Variants in PCCA observed in about 807,000 individuals in gnomAD.
PCCA encodes the protein propionyl-CoA carboxylase alpha chain, mitochondrial.
Under a neutral mutation model 101.3 loss-of-function variants are expected in PCCA, and 74 were observed. The observed-to-expected ratio is 0.73, with a 90% CI of 0.61 to 0.89. PCCA has a LOEUF of 0.89. PCCA is among the 40% of genes least tolerant of loss of function. The pLI, the probability that PCCA is intolerant of heterozygous loss-of-function variation, is 0.00. For synonymous variants in PCCA, 294 were observed against 313.6 expected, an observed-to-expected ratio of 0.94 and a Z score of 0.66; for missense variants, 891 against 907.0, an observed-to-expected ratio of 0.98 and a Z score of 0.23.
rs554545534 is a variant in PCCA, at chr13:100,513,133, C to T, written c.1900-2294C>T. On this transcript the variant is annotated intron_variant, in intron 21 of 23. Transcript: ENST00000376285. ...GCGCCCCGTGCAGCACAGCACAGGCCAGCTGAGAGGCTGTTTTAAGAAGGC... is the reference window on the plus strand; with the variant it reads ...GCGCCCCGTGCAGCACAGCACAGGCTAGCTGAGAGGCTGTTTTAAGAAGGC... Among the ~76,000 whole-genome samples, 9 of 152,356 alleles carry T rather than the reference C, an allele frequency of 5.9e-5. No individual in the cohort carries two copies. In the South Asian group the frequency reaches 1.5e-3, roughly 25 times the overall value.
chr13:100,373,478 T>G (rs771976104), intron 19 of PCCA, among the ~76,000 whole-genome samples: 1 of 152,202 alleles, frequency 6.6e-6, no homozygotes, highest in African/African-American at 2.4e-5. Context: ...GACATTATGC[T>G]AGGTTATAAG....
At chr13:100,356,266 G>C (rs1049359468) in intron 18 of PCCA, among the ~76,000 whole-genome samples, 1 of 151,966 alleles carries the variant, frequency 6.6e-6, no homozygotes, top group Non-Finnish European at 1.5e-5. Context: ...TAGATAAATT[G>C]GACTTCAGAA....
At chr13:100,462,739 T>C (rs1292898500) in intron 21 of PCCA, among the ~76,000 whole-genome samples, 2 of 152,060 alleles carry the variant, frequency 1.3e-5, no homozygotes, top group East Asian at 1.9e-4. Context: ...GTCATGAGAG[T>C]CAGTCAGTCA....
chr13:100,118,521 G>A (rs1367469560), intron 4 of PCCA, among the ~76,000 whole-genome samples: 1 of 151,998 alleles, frequency 6.6e-6, no homozygotes, highest in Non-Finnish European at 1.5e-5. Flanking sequence ...TTAAATATTT[G>A]ACAAGACTAC....
chr13:100,524,743 A>T (rs1265309100), intron 22 of PCCA, among the ~76,000 whole-genome samples: 2 of 152,062 alleles, frequency 1.3e-5, no homozygotes, highest in Non-Finnish European at 2.9e-5. Context: ...GTGGTGGTGC[A>T]CACCTGTATT....
At chr13:100,116,804 T>C (rs1253947653) in intron 4 of PCCA, among the ~76,000 whole-genome samples, 1 of 152,128 alleles carries the variant, frequency 6.6e-6, no homozygotes, top group African/African-American at 2.4e-5. Flanking sequence ...ATAGCAAATA[T>C]ATTTTAGATT....
At chr13:100,216,830 C>T (rs551157564) in intron 7 of PCCA, among the ~76,000 whole-genome samples, 1 of 152,234 alleles carries the variant, frequency 6.6e-6, no homozygotes, top group Admixed American at 6.5e-5. Context: ...GAATTTCATC[C>T]GGGTATGGTG....
chr13:100,119,529 C>A (rs1462145468), intron 4 of PCCA, among the ~76,000 whole-genome samples: 1 of 152,092 alleles, frequency 6.6e-6, no homozygotes, highest in Non-Finnish European at 1.5e-5. Context: ...ATGGGAAGAA[C>A]AAAATGAGAT....
At chr13:100,347,512 G>A (rs530961620) in intron 18 of PCCA, among the ~76,000 whole-genome samples, 2 of 152,274 alleles carry the variant, frequency 1.3e-5, no homozygotes, top group South Asian at 4.1e-4. Flanking sequence ...CACAGAGTAT[G>A]TTATATTGTG....
intron 8 of PCCA, among the ~76,000 whole-genome samples, chr13:100,257,386 T>TC (rs1444998334): frequency 6.6e-6 from 1 of 151,642 alleles, no homozygotes; most frequent in Non-Finnish European, 1.5e-5. Context: ...AGTACCCTTT[T>TC]TTCTTTTAAA....
chr13:100,215,920 T>A (rs1476015444), intron 7 of PCCA, among the ~76,000 whole-genome samples: 1 of 152,246 alleles, frequency 6.6e-6, no homozygotes, highest in Admixed American at 6.5e-5. Context: ...ATTGCAGGTG[T>A]GAGCCACTGT....
At chr13:100,357,840 A>G (rs1379378861) in intron 18 of PCCA, among the ~76,000 whole-genome samples, 1 of 152,206 alleles carries the variant, frequency 6.6e-6, no homozygotes, top group Non-Finnish European at 1.5e-5. Context: ...GAAATTAAGC[A>G]GGGATATCAT....
intron 21 of PCCA, among the ~76,000 whole-genome samples, chr13:100,456,740 T>C (rs1016301635): frequency 2.0e-5 from 3 of 152,164 alleles, no homozygotes; most frequent in Non-Finnish European, 2.9e-5. Context: ...TACTATTTCT[T>C]CTACCGCTAT....
At chr13:100,288,469 G>A (rs2064865743) in intron 12 of PCCA, among the ~76,000 whole-genome samples, 1 of 152,082 alleles carries the variant, frequency 6.6e-6, no homozygotes, top group Non-Finnish European at 1.5e-5. Context: ...GCTAATTTTT[G>A]TATTTTTTGT....
At chr13:100,437,596 C>T (rs991536635) in intron 20 of PCCA, among the ~76,000 whole-genome samples, 2 of 151,072 alleles carry the variant, frequency 1.3e-5, no homozygotes, top group African/African-American at 2.4e-5. Flanking sequence ...TTGGTAATGA[C>T]GTTTATTAAA....
chr13:100,137,069 G>A (rs987675914), intron 4 of PCCA, among the ~76,000 whole-genome samples: 2 of 151,428 alleles, frequency 1.3e-5, no homozygotes, highest in Non-Finnish European at 2.9e-5. Flanking sequence ...TATATATTGT[G>A]TTTTCATTTT....
rs147631413 is a variant in PCCA at position 100,264,417 on chromosome 13, T to C, written c.819+1586T>C. ...CACCACTTCCTAGTCAGTCCCTACC[T>C]GTGGCCGCCAAAAGTAACTGCTGTT... On this transcript the variant is annotated intron_variant, in intron 10 of 23. Coordinates refer to ENST00000376285, the MANE Select transcript of PCCA (RefSeq NM_000282.4). Among the ~76,000 whole-genome samples the C allele has an allele frequency of 1.9e-3, 282 of 152,274 alleles. 1 individual carries two copies. Among genetic ancestry groups the C allele is most frequent in the African/African-American group, 6.5e-3 (270 of 41,562 alleles).
intron 21 of PCCA, among the ~76,000 whole-genome samples, chr13:100,503,749 TA>T (rs1416328002): frequency 1.3e-5 from 2 of 151,442 alleles, no homozygotes; most frequent in East Asian, 2.0e-4. Context: ...ACAAAAAATT[TA>T]AAAAAAAATT....
intron 10 of PCCA, among the ~76,000 whole-genome samples, chr13:100,263,621 A>G (rs758045761): frequency 4.6e-5 from 7 of 152,102 alleles, no homozygotes; most frequent in Admixed American, 1.3e-4. Context: ...TCAATCCTCA[A>G]ATTTTCTAAA....
Sources: gnomAD v4.1 joint callset for allele counts (sites outside exome capture counted in the v4.1 genomes callset) on GRCh38, gnomAD v4.1.1 for gene constraint, MANE v1.5 for transcripts, NCBI Gene and HGNC (gene_info 2026-07-23, HGNC 2026-07-21) for gene names.